DNAI4: variants seen among roughly 807,000 people sequenced by gnomAD.
The protein encoded by DNAI4 is WD repeat domain 78.
DNAI4 carries 85 observed loss-of-function variants against 105.8 expected under a neutral mutation model. The observed-to-expected ratio is 0.80, with a 90% CI of 0.67 to 0.96. The LOEUF is 0.96. DNAI4 is among the 40% of genes least tolerant of loss of function. DNAI4 has a pLI of 0.00. For missense variants in DNAI4, 1,014 were observed against 1,005.6 expected, an observed-to-expected ratio of 1.01 and a Z score of -0.11; for synonymous variants, 352 against 331.5, an observed-to-expected ratio of 1.06 and a Z score of -0.67.
chr1:66,854,173 G>A (rs1646452395), intron 7 of DNAI4, among the ~76,000 whole-genome samples: 1 of 152,164 alleles, frequency 6.6e-6, no homozygotes, highest in Non-Finnish European at 1.5e-5. Context: ...AGGAGGATTA[G>A]TTGACCTCAG....
chr1:66,871,529 T>A lies in DNAI4; in HGVS notation c.801-20A>T. On this transcript the variant is annotated intron_variant, in intron 5 of 16. Transcript: ENST00000371026. Reference sequence around the variant, plus strand: ...CTCTGACTGTAAAAAATAAAGTGTATCCAACTCATTAATAAGAATCATCAC... The same window carrying A: ...CTCTGACTGTAAAAAATAAAGTGTAACCAACTCATTAATAAGAATCATCAC... 1.3e-6 allele frequency: 2 copies of A among 1,551,814 alleles called. No homozygotes were observed. The highest frequency in any genetic ancestry group is 1.7e-6 in the Non-Finnish European group (2 of 1,150,590).
chr1:66,872,780 T>A (rs1013406838), intron 5 of DNAI4, among the ~76,000 whole-genome samples: 9 of 152,130 alleles, frequency 5.9e-5, no homozygotes, highest in African/African-American at 2.2e-4. Context: ...TCCAGGGTGA[T>A]CTCCACTCAC....
intron 3 of DNAI4, among the ~76,000 whole-genome samples, 179 bp downstream of exon 3, chr1:66,893,050 A>AGGAAG (rs1491476740): frequency 2.4e-5 from 3 of 125,132 alleles, no homozygotes; most frequent in African/African-American, 1.1e-4. Context: ...AAAGAAAGAA[A>AGGAAG]GAAAGAGAGA....
intron 8 of DNAI4, among the ~76,000 whole-genome samples, chr1:66,841,465 A>G (rs541678827): frequency 9.8e-5 from 15 of 152,342 alleles, no homozygotes; most frequent in African/African-American, 3.6e-4. Flanking sequence ...AATTGGAGTC[A>G]CCAACTGGTT....
chr1:66,897,766 G>T (rs1279292074), intron 2 of DNAI4, among the ~76,000 whole-genome samples: 1 of 152,192 alleles, frequency 6.6e-6, no homozygotes, highest in Non-Finnish European at 1.5e-5. Context: ...AATTCTGCAG[G>T]CTTACAAAAA....
chr1:66,865,660 T>C lies in DNAI4; in HGVS notation c.941-3358A>G, dbSNP rs1038250100. ...ATTACTAACCAGTAACTGTCACAGC[T>C]AGACAAGCACAGACTTCCTCCACAG... On this transcript the variant is annotated intron_variant, in intron 6 of 16. Transcript: ENST00000371026. Among the ~76,000 whole-genome samples, 3 of 152,162 alleles carry C rather than the reference T, an allele frequency of 2.0e-5. No individual in the cohort carries two copies. In the East Asian group the frequency reaches 5.8e-4, roughly 29 times the overall value.
chr1:66,833,882 AT>A (rs369147935), intron 12 of DNAI4, 108 bp downstream of exon 12: 1 of 1,416,686 alleles, frequency 7.1e-7, no homozygotes, highest in African/African-American at 1.4e-5. Flanking sequence ...GACCAACCCA[AT>A]TTTTTTCTTA....
intron 7 of DNAI4, among the ~76,000 whole-genome samples, chr1:66,854,471 T>C (rs1162875029): frequency 6.6e-6 from 1 of 152,114 alleles, no homozygotes; most frequent in Non-Finnish European, 1.5e-5. Context: ...GTACAGGGCT[T>C]GAATGCTGAA....
At chr1:66,863,518 G>A (rs963142611) in intron 6 of DNAI4, among the ~76,000 whole-genome samples, 23 of 152,166 alleles carry the variant, frequency 1.5e-4, no homozygotes, top group African/African-American at 5.1e-4. Context: ...GAGTGCAGTG[G>A]TGCAATCTCA....
chr1:66,849,375 T>C (rs1572645753), intron 7 of DNAI4, among the ~76,000 whole-genome samples: 1 of 152,114 alleles, frequency 6.6e-6, no homozygotes, highest in African/African-American at 2.4e-5. Flanking sequence ...AGACTTCTAC[T>C]CCCGCCTGGA....
intron 1 of DNAI4, among the ~76,000 whole-genome samples, chr1:66,917,270 G>T (rs1650137325): frequency 6.6e-6 from 1 of 152,120 alleles, no homozygotes; most frequent in African/African-American, 2.4e-5. Context: ...TTAAATTATT[G>T]TGTGCCACAG....
intron 16 of DNAI4, among the ~76,000 whole-genome samples, chr1:66,821,122 A>G (rs1358368387): frequency 1.0e-5 from 1 of 98,410 alleles, no homozygotes; most frequent in African/African-American, 4.1e-5. Context: ...TTTTTGAGTC[A>G]GAAGTTTGCT....
At chr1:66,881,319 T>C (rs569927514) in intron 4 of DNAI4, among the ~76,000 whole-genome samples, 1 of 152,272 alleles carries the variant, frequency 6.6e-6, no homozygotes, top group East Asian at 1.9e-4. Context: ...GCTTGCACCA[T>C]GTGCCAGGAA....
At chr1:66,842,449 G>A (rs1056797721) in intron 8 of DNAI4, among the ~76,000 whole-genome samples, 6 of 151,984 alleles carry the variant, frequency 3.9e-5, no homozygotes, top group Admixed American at 6.6e-5. Context: ...GGAGTGCAGC[G>A]GCACCATCTC....
chr1:66,852,429 A>G (rs538300492), intron 7 of DNAI4, among the ~76,000 whole-genome samples: 91 of 152,148 alleles, frequency 6.0e-4, no homozygotes, highest in African/African-American at 2.2e-3. Context: ...GAAAGCTACA[A>G]ATCAATATCT....
At chr1:66,815,150 C>G (rs140746646) in intron 16 of DNAI4, among the ~76,000 whole-genome samples, 48 of 152,320 alleles carry the variant, frequency 3.2e-4, no homozygotes, top group African/African-American at 1.1e-3. Context: ...GCCATGCACA[C>G]CAAATCAGTT....
intron 16 of DNAI4, 145 bp downstream of exon 16, chr1:66,822,216 T>C: frequency 1.6e-6 from 1 of 644,844 alleles, no homozygotes; most frequent in Non-Finnish European, 2.4e-6. Flanking sequence ...AGGCACCATG[T>C]ATAGAAGTTA....
intron 6 of DNAI4, among the ~76,000 whole-genome samples, chr1:66,869,780 T>C (rs2100648996): frequency 6.6e-6 from 1 of 152,280 alleles, no homozygotes; most frequent in African/African-American, 2.4e-5. Context: ...CCTCCCCCTA[T>C]AAAATTTATA....
intron 1 of DNAI4, among the ~76,000 whole-genome samples, chr1:66,908,606 A>G (rs540330515): frequency 2.0e-5 from 3 of 152,290 alleles, no homozygotes; most frequent in African/African-American, 7.2e-5. Flanking sequence ...AATGGCAATG[A>G]CTTCCTATCT....
Sources: gnomAD v4.1 joint callset for allele counts (sites outside exome capture counted in the v4.1 genomes callset) on GRCh38, gnomAD v4.1.1 for gene constraint, MANE v1.5 for transcripts, NCBI Gene and HGNC (gene_info 2026-07-23, HGNC 2026-07-21) for gene names.